Variants in TRIM3 observed in about 807,000 individuals in gnomAD.
The protein encoded by TRIM3 is tripartite motif containing 3, also known as tripartite motif-containing protein 3.
In TRIM3, 13 loss-of-function variants were observed where a neutral mutation model predicts 66.6. That is an observed-to-expected ratio of 0.20 (90% CI 0.13 to 0.31). TRIM3 has a LOEUF of 0.31. TRIM3 is among the 10% of genes least tolerant of loss of function. TRIM3 has a pLI of 1.00. For missense variants in TRIM3, 711 were observed against 1,020.4 expected, an observed-to-expected ratio of 0.70 and a Z score of 4.13; for synonymous variants, 406 against 411.7, an observed-to-expected ratio of 0.99 and a Z score of 0.17.
Position 6,457,902 on chromosome 11 carries a change from C to T in TRIM3, c.364-55G>A, listed in dbSNP as rs1850068438. 1.9e-6 allele frequency: 3 copies of T among 1,602,714 alleles called. No homozygotes were observed. Among genetic ancestry groups the T allele is most frequent in the Non-Finnish European group, 2.6e-6 (3 of 1,172,606 alleles). ...GGCTAGACATCACACTTCTTTGTCC[C>T]CTCCCCACCTGCCCTCCCTGCCCCT... is the stretch of plus-strand genomic sequence containing the variant. On this transcript the variant is annotated intron_variant, in intron 3 of 11. Transcript: ENST00000345851. This position sits in a 1 kb window ranked among gnomAD's most constrained non-coding sequence, Gnocchi z 4.5.
chr11:6,469,103 T>TTGAA (rs1234178920), intron 1 of TRIM3, among the ~76,000 whole-genome samples: 1 of 152,110 alleles, frequency 6.6e-6, no homozygotes, highest in Non-Finnish European at 1.5e-5. Flanking sequence ...GGAGGACAGA[T>TTGAA]TGAAGGTTGG....
intron 1 of TRIM3, among the ~76,000 whole-genome samples, chr11:6,466,093 T>G (rs1850453583): frequency 1.3e-5 from 2 of 152,192 alleles, no homozygotes; most frequent in Admixed American, 1.3e-4. Context: ...CCATTTTCAC[T>G]GACATACCTA....
At chr11:6,451,227 T>G (rs1483564720) in intron 8 of TRIM3, 44 bp downstream of exon 8, 3 of 1,611,362 alleles carry the variant, frequency 1.9e-6, no homozygotes, top group Non-Finnish European at 2.5e-6. Flanking sequence ...ACTGGTCAGT[T>G]CAGCTGGACA....
rs527576579 is a variant in TRIM3, at chr11:6,454,943, GAAGTA to G, written c.1533+1124_1533+1128del. ...TTGCTACCCAGTAAAATGTTTCGAA[GAAGTA>G]AAGTGCATGGTAGTTAGAAACAATC... On this transcript the variant is annotated intron_variant, in intron 7 of 11. Transcript: ENST00000345851. Among the ~76,000 whole-genome samples the G allele has an allele frequency of 7.9e-5, 12 of 152,262 alleles. No homozygotes were observed. In the East Asian group the frequency reaches 2.3e-3, roughly 29 times the overall value.
In TRIM3 at chr11:6,449,105, C is replaced by T; in HGVS notation, c.2158G>A (p.Ala720Thr). ...ACCACATGGCCATCCGAGGTCAGTG[C>T]CAGGCCCTGTGGACCATACAGTGGT... ...AEPLYGPQGL[A>T]LTSDGHVVVA... The change falls in exon 12 of 12, where the codon GCA (alanine) becomes ACA (threonine). Residue 720 changes from alanine (A) to threonine (T), a missense_variant. Ala to Thr is a moderately conservative substitution (Grantham distance 58). This residue lies in a region of TRIM3 where 163 missense variants were observed against 321.9 expected (regional missense o/e 0.51). Transcript: ENST00000345851. The surrounding 1 kb of genome is among the most constrained non-coding windows in gnomAD (Gnocchi z 5.3). The T allele has an allele frequency of 5.0e-6, 8 of 1,614,192 alleles. No individual in the cohort carries two copies. Among genetic ancestry groups the T allele is most frequent in the Non-Finnish European group, 6.8e-6 (8 of 1,180,022 alleles).
chr11:6,457,953 G>C lies in TRIM3; in HGVS notation c.364-106C>G. On this transcript the variant is annotated intron_variant, in intron 3 of 11. Transcript: ENST00000345851. The surrounding 1 kb of genome is among the most constrained non-coding windows in gnomAD (Gnocchi z 4.5). ...CACCTTCTAAGTGCACCCCCTACCT[G>C]GACCACTAATCCAGAGCAGTACCCT... 1 of 1,548,142 alleles carries C rather than the reference G, an allele frequency of 6.5e-7. No homozygotes were observed. Among genetic ancestry groups the C allele is most frequent in the Non-Finnish European group, 8.8e-7 (1 of 1,139,782 alleles).
chr11:6,462,772 G>A (rs541686692), intron 2 of TRIM3, among the ~76,000 whole-genome samples: 1 of 152,044 alleles, frequency 6.6e-6, no homozygotes, highest in South Asian at 2.1e-4. Flanking sequence ...CTAATATGGG[G>A]ATACCTGGGT....
At position 6,457,702 on chromosome 11, in the gene TRIM3, C is replaced by T. The variant is rs138201440; in HGVS notation, c.509G>A (p.Arg170His). 47 of 1,612,048 alleles carry T rather than the reference C, an allele frequency of 2.9e-5. No homozygotes were observed. The highest frequency in any genetic ancestry group is 2.8e-4 in the African/African-American group (21 of 75,014). ...GACCCTGCCCAGTGCCTACCGGCCACGCACAGCCTCGAGCTGGCGCTGCAG... is the reference window on the plus strand; with the variant it reads ...GACCCTGCCCAGTGCCTACCGGCCATGCACAGCCTCGAGCTGGCGCTGCAG... ...AALQRQLEAV[R>H]GRLPQLSAAI... Residue 170 changes from arginine to histidine, a missense_variant, in exon 4 of 12, where the codon CGT becomes CAT. By Grantham distance (29) the Arg-to-His change is conservative. This residue lies in a region of TRIM3 where 149 missense variants were observed against 240.3 expected (regional missense o/e 0.62). Transcript: ENST00000345851. This position sits in a 1 kb window ranked among gnomAD's most constrained non-coding sequence, Gnocchi z 4.5.
At position 6,459,366 on chromosome 11, in the gene TRIM3, C is replaced by A. The variant is rs150988781; in HGVS notation, c.132-1070G>T. ...GTGGTATAGCCAGGTTTATATTTTA[C>A]CAAGCTCCTCTTCACCCCCTCTGTG... On this transcript the variant is annotated intron_variant, in intron 2 of 11. Transcript: ENST00000345851. 2.7e-3 allele frequency among the ~76,000 whole-genome samples: 411 copies of A among 152,308 alleles called. 2 individuals are homozygous for A. Among genetic ancestry groups the A allele is most frequent in the African/African-American group, 8.8e-3 (367 of 41,562 alleles).
At chr11:6,470,980 T>G (rs1564977489) in intron 1 of TRIM3, among the ~76,000 whole-genome samples, 1 of 152,188 alleles carries the variant, frequency 6.6e-6, no homozygotes, top group Admixed American at 6.5e-5. Flanking sequence ...GAGGCTTTCA[T>G]TAACCTCAGA....
Position 6,449,202 on chromosome 11 carries a change from G to T in TRIM3, c.2083-22C>A, listed in dbSNP as rs1202089027. On this transcript the variant is annotated intron_variant, in intron 11 of 11. Coordinates refer to ENST00000345851, the MANE Select transcript of TRIM3 (RefSeq NM_033278.4). The surrounding 1 kb of genome is among the most constrained non-coding windows in gnomAD (Gnocchi z 5.3). ...ATACCTGGGGAAGGAGTGCAGAAAGGAGGGAGAGGCAAGATCAGGCAGATG... is the reference window on the plus strand; with the variant it reads ...ATACCTGGGGAAGGAGTGCAGAAAGTAGGGAGAGGCAAGATCAGGCAGATG... The T allele has an allele frequency of 1.2e-6, 2 of 1,612,606 alleles. No individual in the cohort carries two copies. The highest frequency in any genetic ancestry group is 2.7e-5 in the African/African-American group (2 of 74,892).
chr11:6,455,773 G>T (rs1289938159), intron 7 of TRIM3, among the ~76,000 whole-genome samples: 3 of 152,218 alleles, frequency 2.0e-5, no homozygotes, highest in Admixed American at 1.3e-4. Context: ...AAGGAGGAAT[G>T]AGCCAGATCT....
At chr11:6,461,186 A>G (rs566081095) in intron 2 of TRIM3, among the ~76,000 whole-genome samples, 2 of 152,192 alleles carry the variant, frequency 1.3e-5, no homozygotes, top group Non-Finnish European at 2.9e-5. Flanking sequence ...GATTACAGGC[A>G]TGAGCCACCA....
At position 6,456,802 on chromosome 11, in the gene TRIM3, C is replaced by A; in HGVS notation, c.924G>T (p.Ser308=). 3 of 1,612,622 alleles carry A rather than the reference C, an allele frequency of 1.9e-6. No individual in the cohort carries two copies. The highest frequency in any genetic ancestry group is 3.3e-4 in the Middle Eastern group (2 of 6,062). The change falls in exon 6 of 12, where the codon TCG becomes TCT. Residue 308 remains serine, a synonymous_variant. Coordinates refer to ENST00000345851, the MANE Select transcript of TRIM3 (RefSeq NM_033278.4). This position sits in a 1 kb window ranked among gnomAD's most constrained non-coding sequence, Gnocchi z 6.4. ...LVLEVDGLRR[S]VLNLGALLTT... is the part of the protein sequence containing the mutation. ...TGAGCAGTGCGCCCAGATTGAGCAC[C>A]GATCGCCGCAGACCGTCCACCTCAA... is the stretch of plus-strand genomic sequence containing the variant.
intron 1 of TRIM3, among the ~76,000 whole-genome samples, chr11:6,466,594 T>G (rs923754738): frequency 4.7e-5 from 2 of 42,614 alleles, no homozygotes; most frequent in South Asian, 5.0e-4. Flanking sequence ...TCCTGCTGGG[T>G]TTTTTTTTTT....
chr11:6,457,194 T>C lies in TRIM3; in HGVS notation c.696+102A>G, dbSNP rs936690614. 29 of 1,536,272 alleles carry C rather than the reference T, an allele frequency of 1.9e-5. No homozygotes were observed. In the African/African-American group the frequency reaches 3.4e-4, roughly 18 times the overall value. The stretch of plus-strand genomic sequence containing the variant: ...AGGGCATGTCAGGAGGCAGAATATC[T>C]AGGCTGGGGAATGGGGAGCTGGTGT... On this transcript the variant is annotated intron_variant, in intron 5 of 11. Transcript: ENST00000345851. The surrounding 1 kb of genome is among the most constrained non-coding windows in gnomAD (Gnocchi z 4.5).
intron 7 of TRIM3, among the ~76,000 whole-genome samples, chr11:6,455,237 C>G (rs1589826755): frequency 6.8e-6 from 1 of 147,872 alleles, no homozygotes; most frequent in East Asian, 1.9e-4. Flanking sequence ...TCCCCGCAAC[C>G]CTATCAGATA....
Position 6,456,195 on chromosome 11 carries a change from G to A in TRIM3, c.1430-20C>T, listed in dbSNP as rs968994303. ...GACTGCCTGTGGGAAGGGACAGGAGGGAAAACAAAATAATTCATTCAGAGG... is the reference window on the plus strand; with the variant it reads ...GACTGCCTGTGGGAAGGGACAGGAGAGAAAACAAAATAATTCATTCAGAGG... On this transcript the variant is annotated intron_variant, in intron 6 of 11. Transcript: ENST00000345851. The surrounding 1 kb of genome is among the most constrained non-coding windows in gnomAD (Gnocchi z 6.4). The A allele has an allele frequency of 3.7e-6, 6 of 1,612,836 alleles. No individual in the cohort carries two copies. The highest frequency in any genetic ancestry group is 4.2e-6 in the Non-Finnish European group (5 of 1,179,026).
At position 6,458,328 on chromosome 11, in the gene TRIM3, G is replaced by C; in HGVS notation, c.132-32C>G. ...AGGAAGGAGAGTCAAAGAACAGAGT[G>C]GGTGGGGTGGCATAAGTGCACCCTT... is the stretch of plus-strand genomic sequence containing the variant. On this transcript the variant is annotated intron_variant, in intron 2 of 11. Coordinates refer to ENST00000345851, the MANE Select transcript of TRIM3 (RefSeq NM_033278.4). The surrounding 1 kb of genome is among the most constrained non-coding windows in gnomAD (Gnocchi z 6.2). 1 of 1,578,264 alleles carries C rather than the reference G, an allele frequency of 6.3e-7. No individual in the cohort carries two copies. The highest frequency in any genetic ancestry group is 8.7e-7 in the Non-Finnish European group (1 of 1,151,624).
Sources: gnomAD v4.1 joint callset for allele counts (sites outside exome capture counted in the v4.1 genomes callset) on GRCh38, gnomAD v4.1.1 for gene constraint, gnomAD v4.1.1 regional missense constraint, Gnocchi (gnomAD v3.1) non-coding constraint, MANE v1.5 for transcripts, NCBI Gene and HGNC (gene_info 2026-07-23, HGNC 2026-07-21) for gene names.